Variants in GMDS observed in about 807,000 individuals in gnomAD.
GMDS encodes the protein GDP-mannose 4,6 dehydratase.
Under a neutral mutation model 49.9 loss-of-function variants are expected in GMDS, and 20 were observed. That is an observed-to-expected ratio of 0.40 (90% confidence interval 0.28 to 0.58). The LOEUF is 0.58. GMDS is among the 20% of genes least tolerant of loss of function. The pLI is 0.42. For synonymous variants in GMDS, 177 were observed against 178.6 expected (o/e 0.99, Z 0.07); for missense variants, 362 against 481.4 (o/e 0.75, Z 2.32).
At chr6:1,771,679 C>A (rs1768581140) in intron 7 of GMDS, among the ~76,000 whole-genome samples, 1 of 152,234 alleles carries the variant, frequency 6.6e-6, no homozygotes, top group African/African-American at 2.4e-5. Context: ...GCAAATCTTA[C>A]TGTAACCTGT....
chr6:2,191,269 G>T lies in GMDS; in HGVS notation c.102+54052C>A, dbSNP rs1034389380. Among the ~76,000 whole-genome samples, 1 of 152,156 alleles carries T rather than the reference G, an allele frequency of 6.6e-6. No homozygotes were observed. The highest frequency in any genetic ancestry group is 2.4e-5 in the African/African-American group (1 of 41,436). ...CACCCCCTGGGGAAGGGCCGCAAGCGGGATGAGGGGGAGCTCTAGGCTGCC... is the reference window on the plus strand; with the variant it reads ...CACCCCCTGGGGAAGGGCCGCAAGCTGGATGAGGGGGAGCTCTAGGCTGCC... On this transcript the variant is annotated intron_variant, in intron 1 of 10. Coordinates refer to ENST00000380815, the MANE Select transcript of GMDS (RefSeq NM_001500.4). The surrounding 1 kb of genome is among the most constrained non-coding windows in gnomAD (Gnocchi z 4.6).
chr6:1,813,933 C>T lies in GMDS; in HGVS notation c.772-71347G>A, dbSNP rs184224819. ...GGGCTTATATAAAGACATATAGAGC[C>T]TGAATTGTAAAATCTAATTGCTTCA... On this transcript the variant is annotated intron_variant, in intron 7 of 10. Transcript: ENST00000380815. 3.9e-4 allele frequency among the ~76,000 whole-genome samples: 59 copies of T among 152,232 alleles called. 1 individual carries two copies. The East Asian group carries it at 0.011, about 29-fold the overall frequency.
intron 4 of GMDS, among the ~76,000 whole-genome samples, chr6:2,074,891 T>C (rs1562030890): frequency 6.6e-6 from 1 of 152,198 alleles, no homozygotes; most frequent in Non-Finnish European, 1.5e-5. Context: ...GAACCATTTA[T>C]TGAAGAGGGT....
chr6:2,114,446 A>C (rs1041341850), intron 4 of GMDS, among the ~76,000 whole-genome samples: 2 of 152,174 alleles, frequency 1.3e-5, no homozygotes, highest in Admixed American at 6.6e-5. Flanking sequence ...ATAGGAAAGA[A>C]GGGATGTAAT....
rs115523650 is a variant in GMDS, at chr6:1,778,644, T to A, written c.772-36058A>T. Among the ~76,000 whole-genome samples the A allele has an allele frequency of 3.9e-5, 6 of 152,354 alleles. No homozygotes were observed. Among genetic ancestry groups the A allele is most frequent in the Non-Finnish European group, 7.4e-5 (5 of 68,020 alleles). On this transcript the variant is annotated intron_variant, in intron 7 of 10. Coordinates refer to ENST00000380815, the MANE Select transcript of GMDS (RefSeq NM_001500.4). The surrounding 1 kb of genome is among the most constrained non-coding windows in gnomAD (Gnocchi z 4.6). Reference sequence around the variant, plus strand: ...CGTGGCCCTCCATTAATTTTCACTATAACCTCTGAAGGCCTAGACTTGCCC... The same window carrying A: ...CGTGGCCCTCCATTAATTTTCACTAAAACCTCTGAAGGCCTAGACTTGCCC...
rs531840576 is a variant in GMDS, at chr6:1,766,400, G to A, written c.772-23814C>T. ...TAGAACCCACACCTTCCGTCTCCCGGGCCAGGTCTCTTTGTAGGCCACCAC... is the reference window on the plus strand; with the variant it reads ...TAGAACCCACACCTTCCGTCTCCCGAGCCAGGTCTCTTTGTAGGCCACCAC... On this transcript the variant is annotated intron_variant, in intron 7 of 10. Transcript: ENST00000380815. The surrounding 1 kb of genome is among the most constrained non-coding windows in gnomAD (Gnocchi z 4.5). Among the ~76,000 whole-genome samples, 196 of 152,170 alleles carry A rather than the reference G, an allele frequency of 1.3e-3. No individual in the cohort carries two copies. Among genetic ancestry groups the A allele is most frequent in the Non-Finnish European group, 2.4e-3 (166 of 68,008 alleles).
chr6:1,760,232 T>G (rs1340404639), intron 7 of GMDS, among the ~76,000 whole-genome samples: 2 of 152,200 alleles, frequency 1.3e-5, no homozygotes, highest in Non-Finnish European at 2.9e-5. Context: ...TTCCATGAAT[T>G]TCTTTGAGTT....
At chr6:1,878,159 CA>C (rs1490593380) in intron 7 of GMDS, among the ~76,000 whole-genome samples, 1 of 151,534 alleles carries the variant, frequency 6.6e-6, no homozygotes, top group Non-Finnish European at 1.5e-5. Context: ...TAAAAATACA[CA>C]AAAAATTAGC....
intron 7 of GMDS, among the ~76,000 whole-genome samples, chr6:1,892,307 G>A (rs1759908170): frequency 6.6e-6 from 1 of 151,936 alleles, no homozygotes; most frequent in East Asian, 1.9e-4. Context: ...TGTCTGTAAT[G>A]CATTTCAGTA....
At chr6:2,081,441 C>T (rs950942171) in intron 4 of GMDS, among the ~76,000 whole-genome samples, 3 of 152,108 alleles carry the variant, frequency 2.0e-5, no homozygotes, top group Non-Finnish European at 2.9e-5. Flanking sequence ...CTCCGGATTC[C>T]TCCAGACAAC....
chr6:2,076,009 GA>G (rs1437523604), intron 4 of GMDS, among the ~76,000 whole-genome samples: 1 of 152,170 alleles, frequency 6.6e-6, no homozygotes. Context: ...GATGGCCAGT[GA>G]TGATGAGCAT....
At chr6:1,969,290 A>AAAAGG in intron 4 of GMDS, among the ~76,000 whole-genome samples, 1 of 58,632 alleles carries the variant, frequency 1.7e-5, no homozygotes, top group Non-Finnish European at 4.0e-5. Flanking sequence ...AAAAAAAAAA[A>AAAAGG]GAGAAAGAAA....
chr6:1,954,810 G>GC (rs1309416906), intron 6 of GMDS, among the ~76,000 whole-genome samples: 3 of 152,104 alleles, frequency 2.0e-5, no homozygotes, highest in Non-Finnish European at 4.4e-5. Flanking sequence ...CTATTAAGTG[G>GC]CCTAATTTCA....
At chr6:1,846,001 C>T (rs1468436015) in intron 7 of GMDS, among the ~76,000 whole-genome samples, 1 of 151,934 alleles carries the variant, frequency 6.6e-6, no homozygotes, top group Non-Finnish European at 1.5e-5. Flanking sequence ...AGCATATGAT[C>T]CCTGGGATAC....
Position 1,959,981 on chromosome 6 carries a change from T to C in GMDS, c.539-10A>G, listed in dbSNP as rs901459531. The C allele has an allele frequency of 6.5e-7, 1 of 1,533,440 alleles. No homozygotes were observed. The highest frequency in any genetic ancestry group is 9.0e-7 in the Non-Finnish European group (1 of 1,117,098). The allele number at this position is 1,533,440 out of a possible 1,614,324, so 95.0% of individuals were successfully genotyped here. On this transcript the variant is annotated splice_polypyrimidine_tract_variant and intron_variant, in intron 5 of 10. Transcript: ENST00000380815. ...TAGAGTTTTGCTGCCCCTGTTGGAA[T>C]AATTTTTTTTAAGCAATGAAGTTTG...
At chr6:1,744,541 C>T (rs893770810) in intron 7 of GMDS, among the ~76,000 whole-genome samples, 2 of 150,376 alleles carry the variant, frequency 1.3e-5, no homozygotes, top group African/African-American at 4.9e-5. Flanking sequence ...TCCACACAAG[C>T]AGATGGAGTC....
chr6:2,234,817 G>A (rs1424880210), intron 1 of GMDS, among the ~76,000 whole-genome samples: 4 of 152,162 alleles, frequency 2.6e-5, no homozygotes, highest in Non-Finnish European at 5.9e-5. Flanking sequence ...TGAAATTAAT[G>A]CAAGAAGTTT....
At chr6:2,058,884 T>C (rs1397438090) in intron 4 of GMDS, among the ~76,000 whole-genome samples, 1 of 152,118 alleles carries the variant, frequency 6.6e-6, no homozygotes, top group African/African-American at 2.4e-5. Context: ...GGTAGTGACG[T>C]CCATTAAACA....
chr6:2,240,037 C>A (rs775066776), intron 1 of GMDS, among the ~76,000 whole-genome samples: 23 of 152,314 alleles, frequency 1.5e-4, no homozygotes, highest in Non-Finnish European at 2.6e-4. Context: ...CTGCAAATCC[C>A]AGCAAGGAAG....
Sources: allele counts gnomAD v4.1 joint callset (sites outside exome capture counted in the v4.1 genomes callset), GRCh38; gene constraint gnomAD v4.1.1; non-coding constraint Gnocchi (gnomAD v3.1); transcripts MANE v1.5; gene names NCBI Gene and HGNC (gene_info 2026-07-23, HGNC 2026-07-21).